SLC52A3: variants seen among roughly 807,000 people sequenced by gnomAD.
SLC52A3 encodes the protein solute carrier family 52, riboflavin transporter, member 3.
In SLC52A3, 20 loss-of-function variants were observed where a neutral mutation model predicts 29.5. The observed-to-expected ratio is 0.68, with a 90% confidence interval of 0.48 to 0.99. SLC52A3 has a LOEUF of 0.99. Ranked by LOEUF, SLC52A3 falls within the 50% of genes least tolerant of loss-of-function variation. SLC52A3 has a pLI of 0.00. For missense variants in SLC52A3, 548 were observed against 612.9 expected (o/e 0.89, Z 1.12); for synonymous variants, 301 against 271.0 (o/e 1.11, Z -1.09).
At chr20:770,773 G>C (rs559717180), upstream of SLC52A3, among the ~76,000 whole-genome samples, 4 of 152,198 alleles carry the variant, frequency 2.6e-5, no homozygotes, top group Non-Finnish European at 4.4e-5. The surrounding 1 kb of genome is among the most constrained non-coding windows in gnomAD (Gnocchi z 4.5). Flanking sequence ...TAATAAAAGC[G>C]AGGTATTTTG....
upstream of SLC52A3, among the ~76,000 whole-genome samples, chr20:777,621 C>T (rs1203706383): frequency 1.3e-5 from 2 of 152,204 alleles, no homozygotes; most frequent in Non-Finnish European, 2.9e-5. Flanking sequence ...TAATTCTGGC[C>T]TGCCTGTTGT....
At chr20:771,349 C>G (rs2122545513), upstream of SLC52A3, among the ~76,000 whole-genome samples, 1 of 152,264 alleles carries the variant, frequency 6.6e-6, no homozygotes, top group African/African-American at 2.4e-5. Flanking sequence ...ATTGCTTGAA[C>G]TCGGGATGTG....
upstream of SLC52A3, among the ~76,000 whole-genome samples, chr20:772,758 C>CA (rs1740703806): frequency 6.6e-6 from 1 of 152,090 alleles, no homozygotes; most frequent in African/African-American, 2.4e-5. Context: ...AAAACAGAAA[C>CA]ATAGAGCAGG....
chr20:770,118 G>A (rs115300384), upstream of SLC52A3, among the ~76,000 whole-genome samples: 711 of 151,178 alleles, frequency 4.7e-3, 11 homozygotes, highest in African/African-American at 0.016. This position sits in a 1 kb window ranked among gnomAD's most constrained non-coding sequence, Gnocchi z 4.5. Context: ...ATGTAAACGT[G>A]CTATTTGAGG....
chr20:779,804 T>C (rs56396339), upstream of SLC52A3, among the ~76,000 whole-genome samples: 258 of 152,340 alleles, frequency 1.7e-3, no homozygotes, highest in South Asian at 3.9e-3. Flanking sequence ...ATCTAGTACA[T>C]AATTACAATC....
At chr20:779,925 G>C (rs2122566037), upstream of SLC52A3, among the ~76,000 whole-genome samples, 1 of 152,312 alleles carries the variant, frequency 6.6e-6, no homozygotes, top group Admixed American at 6.5e-5. Flanking sequence ...CCGTGGAATT[G>C]TACCATTAAA....
At chr20:772,296 C>T (rs1347442120), upstream of SLC52A3, among the ~76,000 whole-genome samples, 3 of 152,178 alleles carry the variant, frequency 2.0e-5, no homozygotes, top group African/African-American at 4.8e-5. Context: ...GATTTGGCTC[C>T]GGGGGTCTGT....
intron 1 of SLC52A3, among the ~76,000 whole-genome samples, chr20:774,304 C>T (rs75262974): frequency 0.063 from 9,667 of 152,272 alleles, 405 homozygotes; most frequent in Non-Finnish European, 0.098. Flanking sequence ...ATACATCTCA[C>T]TCCTGGGCAA....
chr20:776,114 C>T (rs1056623893), upstream of SLC52A3: 9 of 152,378 alleles, frequency 5.9e-5, no homozygotes, highest in African/African-American at 1.9e-4. Context: ...ATCTGCCCTA[C>T]AGCCCAGCTA....
At position 763,761 on chromosome 20, in the gene SLC52A3, C is replaced by T; in HGVS notation, c.810G>A (p.Glu270=). 1 of 1,614,194 alleles carries T rather than the reference C, an allele frequency of 6.2e-7. No individual in the cohort carries two copies. The highest frequency in any genetic ancestry group is 2.2e-5 in the East Asian group (1 of 44,888). Reference sequence around the variant, plus strand: ...CCGTGCCTGCAGGGCCCAAGTCATTCTCTTCCCGCGGCCGGATGGAGTGGA... The same window carrying T: ...CCGTGCCTGCAGGGCCCAAGTCATTTTCTTCCCGCGGCCGGATGGAGTGGA... ...VTLHSIRPRE[E]NDLGPAGTVD... The change falls in exon 3 of 5, where the codon GAG becomes GAA. Residue 270 remains glutamate (E), a synonymous_variant. Coordinates refer to ENST00000645534, the MANE Select transcript of SLC52A3 (RefSeq NM_033409.4).
chr20:770,156 T>G (rs1472364662), upstream of SLC52A3, among the ~76,000 whole-genome samples: 2 of 75,762 alleles, frequency 2.6e-5, no homozygotes, highest in East Asian at 3.3e-4. This position sits in a 1 kb window ranked among gnomAD's most constrained non-coding sequence, Gnocchi z 4.5. Context: ...CTGACTGCTG[T>G]TTTTTTTTTT....
upstream of SLC52A3, among the ~76,000 whole-genome samples, chr20:772,923 G>T (rs1013832506): frequency 6.6e-6 from 1 of 152,122 alleles, no homozygotes; most frequent in South Asian, 2.1e-4. Context: ...CCTGGGGTGC[G>T]GCCACACCTG....
chr20:767,063 G>A (rs6054626), intron 1 of SLC52A3, among the ~76,000 whole-genome samples: 114 of 152,210 alleles, frequency 7.5e-4, no homozygotes, highest in African/African-American at 2.6e-3. Context: ...ATTTTCTCCT[G>A]GGTGGCTACC....
At position 765,268 on chromosome 20, in the gene SLC52A3, G is replaced by A. The variant is rs200356747; in HGVS notation, c.507C>T (p.Val169=). 3.7e-6 allele frequency: 6 copies of A among 1,614,172 alleles called. No individual in the cohort carries two copies. In the African/African-American group the frequency reaches 4.0e-5, roughly 11 times the overall value. The change falls in exon 2 of 5, where the codon GTC becomes GTT. Residue 169 remains valine (V), a synonymous_variant. Coordinates refer to ENST00000645534, the MANE Select transcript of SLC52A3 (RefSeq NM_033409.4). The surrounding 1 kb of genome is among the most constrained non-coding windows in gnomAD (Gnocchi z 6.6). The part of the protein sequence containing the change: ...QGSGLTTCVN[V]TEISDSVPSP... ...TTGGTACGCTGTCTGATATCTCAGT[G>A]ACATTGACGCAGGTAGTGAGACCGG...
At chr20:764,789 T>C (rs1028482383) in intron 2 of SLC52A3, among the ~76,000 whole-genome samples, 6 of 152,206 alleles carry the variant, frequency 3.9e-5, no homozygotes, top group African/African-American at 1.4e-4. Flanking sequence ...CAAGAAAAGG[T>C]ATCTGTACCA....
rs2122504155 is a variant in SLC52A3 at position 760,969 on chromosome 20, G to T, written c.*57C>A. The T allele has an allele frequency of 6.6e-7, 1 of 1,507,196 alleles. No homozygotes were observed. The allele number at this position is 1,507,196 out of a possible 1,614,324, so 93.4% of individuals were successfully genotyped here. A position where few individuals can be genotyped will look rare whatever the true frequency, so the allele number is the denominator to read the frequency against. On this transcript the variant is annotated 3_prime_UTR_variant, in exon 5 of 5. Coordinates refer to ENST00000645534, the MANE Select transcript of SLC52A3 (RefSeq NM_033409.4). The surrounding 1 kb of genome is among the most constrained non-coding windows in gnomAD (Gnocchi z 4.9). The stretch of plus-strand genomic sequence containing the variant: ...GTTCCTGCCCCTTGCTCTGTGACCT[G>T]GCCTCTCTGGACCCCAGTTCCGTCC...
Position 763,624 on chromosome 20 carries a change from C to T in SLC52A3, c.947G>A (p.Gly316Asp). 1 of 1,614,170 alleles carries T rather than the reference C, an allele frequency of 6.2e-7. No individual in the cohort carries two copies. Among genetic ancestry groups the T allele is most frequent in the Non-Finnish European group, 8.5e-7 (1 of 1,180,030 alleles). Residue 316 changes from glycine to aspartate, a missense_variant, in exon 3 of 5, where the codon GGC (glycine) becomes GAC (aspartate). By Grantham distance (94) the Gly-to-Asp change is moderately conservative (BLOSUM62 -1). Coordinates refer to ENST00000645534, the MANE Select transcript of SLC52A3 (RefSeq NM_033409.4). ...GTAGGTCTGCACAGAGGGCAGCATGCCGTTGGTGAGCGCGTTGACGAAGGC... is the reference window on the plus strand; with the variant it reads ...GTAGGTCTGCACAGAGGGCAGCATGTCGTTGGTGAGCGCGTTGACGAAGGC... Reference protein sequence around the residue: ...LVAFVNALTNGMLPSVQTYSC... With the variant: ...LVAFVNALTNDMLPSVQTYSC...
chr20:761,879 C>T (rs1406560668), intron 3 of SLC52A3, 55 bp from the exon 4 acceptor site: 2 of 1,612,792 alleles, frequency 1.2e-6, no homozygotes, highest in Non-Finnish European at 1.7e-6. Flanking sequence ...TCTGACCCCC[C>T]CGCCCCACTG....
chr20:768,327 C>T lies in SLC52A3; in HGVS notation c.-82G>A, dbSNP rs1481207775. ...GTATATGCACCTTTTTGTAGAGACA[C>T]GCTAACTGGGCCAATCTTCACGTTT... On this transcript the variant is annotated 5_prime_UTR_variant, in exon 1 of 5. In the 5' UTR this introduces an upstream ATG that the reference lacks. Transcript: ENST00000645534. 6.6e-6 allele frequency: 1 copy of T among 152,192 alleles called. No individual in the cohort carries two copies. Among genetic ancestry groups the T allele is most frequent in the Non-Finnish European group, 1.5e-5 (1 of 68,050 alleles). 9.4% of individuals were successfully genotyped at this position (152,192 alleles called of 1,614,324 possible). A position where few individuals can be genotyped will look rare whatever the true frequency, so the allele number is the denominator to read the frequency against.
Sources: gnomAD v4.1 joint callset for allele counts (sites outside exome capture counted in the v4.1 genomes callset) on GRCh38, gnomAD v4.1.1 for gene constraint, Gnocchi (gnomAD v3.1) non-coding constraint, MANE v1.5 for transcripts, NCBI Gene and HGNC (gene_info 2026-07-23, HGNC 2026-07-21) for gene names.